SSBP4: variants seen among roughly 807,000 people sequenced by gnomAD.
SSBP4 encodes single stranded DNA binding protein 4.
SSBP4 carries 33 observed loss-of-function variants against 64.6 expected under a neutral mutation model. That is an observed-to-expected ratio of 0.51 (90% CI 0.39 to 0.68). The LOEUF (loss-of-function observed/expected upper bound fraction) is 0.68, where lower values mean the gene tolerates loss of function less well. Ranked by LOEUF, SSBP4 falls within the 30% of genes least tolerant of loss-of-function variation. The pLI is 0.00. For missense variants in SSBP4, 583 were observed against 566.8 expected, an observed-to-expected ratio of 1.03 and a Z score of -0.29; for synonymous variants, 243 against 224.0, an observed-to-expected ratio of 1.08 and a Z score of -0.76.
upstream of SSBP4, among the ~76,000 whole-genome samples, chr19:18,415,533 G>A (rs750343662): frequency 6.6e-6 from 1 of 152,174 alleles, no homozygotes; most frequent in African/African-American, 2.4e-5. Flanking sequence ...GGGACTGTGC[G>A]GAAACAGTCT....
chr19:18,403,265 A>G, the SSBP4 span, among the ~76,000 whole-genome samples: 1 of 152,168 alleles, frequency 6.6e-6, no homozygotes, highest in Non-Finnish European at 1.5e-5. Context: ...TCTTGCTGAG[A>G]TAGTGAAAAT....
At chr19:18,415,463 G>A (rs760349698), upstream of SSBP4, among the ~76,000 whole-genome samples, 2 of 152,244 alleles carry the variant, frequency 1.3e-5, no homozygotes, top group Non-Finnish European at 1.5e-5. Context: ...AGAGGAAGGC[G>A]GAGGCGGCCA....
chr19:18,429,520 C>T (rs1217434581), intron 4 of SSBP4, among the ~76,000 whole-genome samples: 1 of 151,904 alleles, frequency 6.6e-6, no homozygotes, highest in East Asian at 1.9e-4. Flanking sequence ...CTCAGGCACC[C>T]GCTGTGGCCC....
At chr19:18,408,371 C>T in the SSBP4 span, among the ~76,000 whole-genome samples, 4 of 152,174 alleles carry the variant, frequency 2.6e-5, no homozygotes, top group East Asian at 5.8e-4. Context: ...TGAACCTGCT[C>T]GCTGGCACCC....
At chr19:18,424,370 C>T (rs1051076030) in intron 1 of SSBP4, among the ~76,000 whole-genome samples, 11 of 152,158 alleles carry the variant, frequency 7.2e-5, no homozygotes, top group Non-Finnish European at 1.0e-4. Context: ...TCCAAGTCCC[C>T]GCCCCACGTC....
In SSBP4 at chr19:18,426,837, G is replaced by A. The variant is rs1972889801; in HGVS notation, c.60-514G>A. Among the ~76,000 whole-genome samples, 1 of 152,208 alleles carries A rather than the reference G, an allele frequency of 6.6e-6. No individual in the cohort carries two copies. The highest frequency in any genetic ancestry group is 1.5e-5 in the Non-Finnish European group (1 of 68,020). Reference sequence around the variant, plus strand: ...CTGCCCTGACTGGGGACAGTCTGCAGAAAGGGTTGAGGCCACCATGGTGGA... The same window carrying A: ...CTGCCCTGACTGGGGACAGTCTGCAAAAAGGGTTGAGGCCACCATGGTGGA... On this transcript the variant is annotated intron_variant, in intron 1 of 17. Transcript: ENST00000270061. The surrounding 1 kb of genome is among the most constrained non-coding windows in gnomAD (Gnocchi z 4.5).
At chr19:18,414,816 G>A (rs1320583084), upstream of SSBP4, among the ~76,000 whole-genome samples, 1 of 152,170 alleles carries the variant, frequency 6.6e-6, no homozygotes, top group African/African-American at 2.4e-5. Context: ...TGACCCAGTG[G>A]CTTGGAGGGG....
At chr19:18,433,328 G>GC in intron 15 of SSBP4, 115 bp downstream of exon 15, 12 of 1,392,720 alleles carry the variant, frequency 8.6e-6, no homozygotes, top group East Asian at 2.5e-5. Context: ...GGCGTCCTGA[G>GC]CCCCCCGGGG....
Position 18,419,466 on chromosome 19 carries a change from G to A in SSBP4, c.-183G>A, listed in dbSNP as rs1342631737. ...CCACCCTGCGGCCGGGGCCGGAGCTGGAGCCGCCGCTGCCGCCGCCGCCGC... is the reference window on the plus strand; with the variant it reads ...CCACCCTGCGGCCGGGGCCGGAGCTAGAGCCGCCGCTGCCGCCGCCGCCGC... On this transcript the variant is annotated 5_prime_UTR_variant, in exon 1 of 18. Transcript: ENST00000270061. The A allele has an allele frequency of 6.5e-6, 7 of 1,072,820 alleles. No individual in the cohort carries two copies. Among genetic ancestry groups the A allele is most frequent in the East Asian group, 6.7e-5 (1 of 14,840 alleles). 66.5% of individuals were successfully genotyped at this position (1,072,820 alleles called of 1,614,324 possible).
At chr19:18,425,797 G>A (rs1425938146) in intron 1 of SSBP4, 2 of 152,432 alleles carry the variant, frequency 1.3e-5, no homozygotes, top group Admixed American at 6.5e-5. Flanking sequence ...TGCAGTGTGA[G>A]CCTGGCGCAC....
intron 4 of SSBP4, 23 bp from the exon 5 acceptor site, chr19:18,430,818 C>G: frequency 1.3e-6 from 2 of 1,597,980 alleles, no homozygotes; most frequent in Non-Finnish European, 1.7e-6. Flanking sequence ...ACCTGGCCCT[C>G]TGGGTTTCCC....
the SSBP4 span, among the ~76,000 whole-genome samples, chr19:18,407,893 C>A: frequency 2.0e-5 from 3 of 152,154 alleles, no homozygotes; most frequent in African/African-American, 7.2e-5. Context: ...CAGGTGCACA[C>A]CACCACACCC....
chr19:18,405,349 A>G, the SSBP4 span, among the ~76,000 whole-genome samples: 1 of 152,084 alleles, frequency 6.6e-6, no homozygotes, highest in African/African-American at 2.4e-5. Flanking sequence ...GCCATGAGGC[A>G]GAGCAGGGGA....
At chr19:18,410,855 AGAG>A in the SSBP4 span, among the ~76,000 whole-genome samples, 2 of 152,180 alleles carry the variant, frequency 1.3e-5, no homozygotes, top group Non-Finnish European at 2.9e-5. Context: ...TAGACCACAC[AGAG>A]GAGTTCAGCA....
At chr19:18,406,741 A>C in the SSBP4 span, among the ~76,000 whole-genome samples, 1 of 151,954 alleles carries the variant, frequency 6.6e-6, no homozygotes, top group South Asian at 2.1e-4. Flanking sequence ...GGGAGGGCTG[A>C]GCCAAGCACC....
At chr19:18,414,302 G>A (rs1310000883), upstream of SSBP4, among the ~76,000 whole-genome samples, 2 of 152,146 alleles carry the variant, frequency 1.3e-5, no homozygotes, top group South Asian at 2.1e-4. Flanking sequence ...GTTCCTTTAC[G>A]AGCCTCAGTT....
At chr19:18,404,530 G>A in the SSBP4 span, among the ~76,000 whole-genome samples, 1 of 146,920 alleles carries the variant, frequency 6.8e-6, no homozygotes, top group Non-Finnish European at 1.5e-5. Context: ...AGAGGCAGAG[G>A]TTGTAGTGAG....
chr19:18,417,105 G>C (rs1386628464), upstream of SSBP4, among the ~76,000 whole-genome samples: 1 of 151,756 alleles, frequency 6.6e-6, no homozygotes, highest in African/African-American at 2.4e-5. This position sits in a 1 kb window ranked among gnomAD's most constrained non-coding sequence, Gnocchi z 5.4. Flanking sequence ...CCTCCCCCGG[G>C]AGACCGACCG....
At chr19:18,432,767 G>A (rs1478512863) in intron 12 of SSBP4, 32 bp downstream of exon 12, 7 of 1,612,364 alleles carry the variant, frequency 4.3e-6, no homozygotes, top group Middle Eastern at 1.7e-4. Context: ...TCACCCCTGG[G>A]CAGGGGTTGT....
Sources: allele counts gnomAD v4.1 joint callset (sites outside exome capture counted in the v4.1 genomes callset), GRCh38; gene constraint gnomAD v4.1.1; non-coding constraint Gnocchi (gnomAD v3.1); transcripts MANE v1.5; gene names NCBI Gene and HGNC (gene_info 2026-07-23, HGNC 2026-07-21).